The following GSN variants were observed in gnomAD, a reference collection of about 807,000 sequenced individuals.
The protein encoded by GSN is actin-depolymerizing factor.
GSN carries 56 observed loss-of-function variants against 85.7 expected under a neutral mutation model. The observed-to-expected ratio is 0.65, with a 90% CI of 0.53 to 0.82. GSN has a LOEUF of 0.82. Among genes scored for constraint, GSN ranks in the 40% least tolerant of loss-of-function variants. The probability of loss-of-function intolerance (pLI) is 0.00; values close to 1 mark genes in which losing one functional copy is unlikely to be tolerated. For missense variants in GSN, 857 were observed against 979.8 expected, an observed-to-expected ratio of 0.87 and a Z score of 1.67; for synonymous variants, 373 against 399.1, an observed-to-expected ratio of 0.93 and a Z score of 0.78.
intron 6 of GSN, 30 bp downstream of exon 6, chr9:121,312,518 A>G (rs758110909): frequency 3.8e-5 from 57 of 1,486,168 alleles, no homozygotes; most frequent in Non-Finnish European, 4.7e-5. Context: ...TGGGGTGGCC[A>G]TGGGGACACG....
rs577850632 is a variant in GSN at position 121,328,222 on chromosome 9, T to C, written c.1763-669T>C. 7.9e-5 allele frequency among the ~76,000 whole-genome samples: 12 copies of C among 152,282 alleles called. No homozygotes were observed. The South Asian group carries it at 1.9e-3, about 24-fold the overall frequency. On this transcript the variant is annotated intron_variant, in intron 14 of 17. Transcript: ENST00000432226. ...AGCCTGCAGTCTTTATACTGTTACTTTGAGTTCATTCCCACCTGCTTGATG... is the reference window on the plus strand; with the variant it reads ...AGCCTGCAGTCTTTATACTGTTACTCTGAGTTCATTCCCACCTGCTTGATG...
chr9:121,214,396 C>A (rs1186611274), intron 4 of GSN, among the ~76,000 whole-genome samples: 1 of 152,086 alleles, frequency 6.6e-6, no homozygotes, highest in Non-Finnish European at 1.5e-5. Context: ...GTTCCATAAT[C>A]TTTCTGAGTC....
intron 2 of GSN, 45 bp downstream of exon 2, chr9:121,281,607 C>A (rs1301235477): frequency 2.1e-6 from 1 of 471,134 alleles, no homozygotes; most frequent in East Asian, 6.9e-5. Flanking sequence ...TAAACCCCGC[C>A]CTGGCTGCCC....
chr9:121,225,442 A>T (rs1266260410), intron 4 of GSN, among the ~76,000 whole-genome samples: 1 of 152,230 alleles, frequency 6.6e-6, no homozygotes, highest in Non-Finnish European at 1.5e-5. Flanking sequence ...GGCTGTTCAA[A>T]GGCATTTTTC....
chr9:121,226,016 G>T (rs2054266623), intron 4 of GSN, among the ~76,000 whole-genome samples: 1 of 152,164 alleles, frequency 6.6e-6, no homozygotes, highest in South Asian at 2.1e-4. Context: ...TATTGGCCAG[G>T]CTGGTCTCGA....
intron 6 of GSN, among the ~76,000 whole-genome samples, chr9:121,252,192 G>T (rs2132246031): frequency 6.6e-6 from 1 of 152,268 alleles, no homozygotes; most frequent in Middle Eastern, 3.4e-3. Context: ...TAAGAAATGG[G>T]GAAGGTAGCA....
intron 2 of GSN, chr9:121,282,376 G>A: frequency 2.8e-6 from 2 of 712,716 alleles, no homozygotes; most frequent in South Asian, 3.6e-5. Flanking sequence ...TTTCTAATGA[G>A]CAATTGTGCA....
intron 5 of GSN, chr9:121,238,933 A>C: frequency 1.9e-6 from 1 of 537,160 alleles, no homozygotes; most frequent in East Asian, 5.4e-5. Context: ...CCCTTCTCCA[A>C]TAGCAGACTT....
intron 4 of GSN, among the ~76,000 whole-genome samples, chr9:121,215,225 C>CA (rs1491394557): frequency 5.3e-5 from 8 of 149,682 alleles, no homozygotes; most frequent in Non-Finnish European, 7.4e-5. Flanking sequence ...ACCCCCCCCC[C>CA]CACACTCATA....
chr9:121,313,519 G>A, intron 6 of GSN: 1 of 301,124 alleles, frequency 3.3e-6, no homozygotes, highest in South Asian at 3.1e-5. Context: ...GTGAGTAGGT[G>A]ACTTCATCTT....
chr9:121,293,647 G>C (rs913464282), intron 2 of GSN, among the ~76,000 whole-genome samples: 1 of 147,486 alleles, frequency 6.8e-6, no homozygotes, highest in East Asian at 2.0e-4. Flanking sequence ...GCAGTGAGCC[G>C]AGATCACGCC....
upstream of GSN, among the ~76,000 whole-genome samples, chr9:121,205,346 G>C (rs2053865492): frequency 6.6e-6 from 1 of 152,224 alleles, no homozygotes; most frequent in African/African-American, 2.4e-5. Context: ...AACCAAAGGA[G>C]AGGGGCTCCA....
rs565322193 is a variant in GSN at position 121,246,918 on chromosome 9, G to A, written c.-388-1358G>A. Among the ~76,000 whole-genome samples, 7 of 152,328 alleles carry A rather than the reference G, an allele frequency of 4.6e-5. No individual in the cohort carries two copies. The South Asian group carries it at 6.2e-4, about 14-fold the overall frequency. On this transcript the variant is annotated intron_variant, in intron 5 of 24. Coordinates refer to the GSN transcript ENST00000373823. The stretch of plus-strand genomic sequence containing the variant: ...GTGAGTCATGGCCAGAGTTTAAGGC[G>A]TGTGTGATATGGCTGCTCCTGTGGT...
chr9:121,324,777 CCATCCA>C, intron 12 of GSN, 133 bp downstream of exon 12: 1 of 678,836 alleles, frequency 1.5e-6, no homozygotes, highest in African/African-American at 1.8e-5. Flanking sequence ...ATCCATCCAT[CCATCCA>C]TCCATCCATC....
At position 121,299,460 on chromosome 9, in the gene GSN, T is replaced by C; in HGVS notation, c.-9-2503T>C. On this transcript the variant is annotated intron_variant, in intron 2 of 17. Coordinates refer to ENST00000432226, the MANE Select transcript of GSN (RefSeq NM_198252.3). The surrounding 1 kb of genome is among the most constrained non-coding windows in gnomAD (Gnocchi z 4.2). ...TGTACCCTCTCTGAAAAGGATGTGCTGATGCCTCGGTGAAAAGCTTTCAAA... is the reference window on the plus strand; with the variant it reads ...TGTACCCTCTCTGAAAAGGATGTGCCGATGCCTCGGTGAAAAGCTTTCAAA... 1 of 985,286 alleles carries C rather than the reference T, an allele frequency of 1.0e-6. No individual in the cohort carries two copies. The highest frequency in any genetic ancestry group is 1.2e-6 in the Non-Finnish European group (1 of 829,756). The allele number at this position is 985,286 out of a possible 1,614,324, so 61.0% of individuals were successfully genotyped here. A position where few individuals can be genotyped will look rare whatever the true frequency, so the allele number is the denominator to read the frequency against.
chr9:121,314,208 C>T (rs551076581), intron 7 of GSN, among the ~76,000 whole-genome samples, 185 bp downstream of exon 7: 1 of 152,328 alleles, frequency 6.6e-6, no homozygotes, highest in African/African-American at 2.4e-5. Context: ...TAAGAGCATG[C>T]GATCAACTCC....
chr9:121,298,889 A>G (rs1189563119), intron 2 of GSN, among the ~76,000 whole-genome samples: 1 of 152,052 alleles, frequency 6.6e-6, no homozygotes, highest in Non-Finnish European at 1.5e-5. Flanking sequence ...GGGAGGGTGG[A>G]GGGATGGGGA....
intron 2 of GSN, chr9:121,286,444 G>C (rs2058085387): frequency 2.9e-6 from 2 of 693,838 alleles, no homozygotes; most frequent in Admixed American, 5.9e-5. Context: ...TCTCCAAACT[G>C]TTTACGCTTC....
chr9:121,217,743 CTTTAAATTT>C (rs1322650492), intron 4 of GSN, among the ~76,000 whole-genome samples: 4 of 150,878 alleles, frequency 2.7e-5, no homozygotes, highest in Non-Finnish European at 4.4e-5. Flanking sequence ...ACAGCCATTT[CTTTAAATTT>C]TTTAAATTTA....
Sources: allele counts gnomAD v4.1 joint callset (sites outside exome capture counted in the v4.1 genomes callset), GRCh38; gene constraint gnomAD v4.1.1; non-coding constraint Gnocchi (gnomAD v3.1); transcripts MANE v1.5; gene names NCBI Gene and HGNC (gene_info 2026-07-23, HGNC 2026-07-21).